Variants in CSMD1 observed in about 807,000 individuals in gnomAD.
CSMD1 encodes the protein CUB and sushi domain-containing protein 1.
In CSMD1, 213 loss-of-function variants were observed where a neutral mutation model predicts 417.5. That is an observed-to-expected ratio of 0.51 (90% CI 0.46 to 0.57). CSMD1 has a LOEUF of 0.57. Among genes scored for constraint, CSMD1 ranks in the 20% least tolerant of loss-of-function variants. The probability of loss-of-function intolerance (pLI) is 0.00; values close to 1 mark genes in which losing one functional copy is unlikely to be tolerated. For missense variants in CSMD1, 6,923 were observed against 4,529.7 expected (o/e 1.53, Z -15.17); for synonymous variants, 2,862 against 1,736.8 (o/e 1.65, Z -16.11).
intron 40 of CSMD1, 188 bp downstream of exon 40, chr8:3,151,209 T>C (rs904152755): frequency 1.2e-5 from 6 of 518,126 alleles, no homozygotes; most frequent in Non-Finnish European, 2.1e-5. Context: ...TTGCATGGCT[T>C]AATTGATTTT....
chr8:4,249,626 A>G (rs1802930141), intron 3 of CSMD1, among the ~76,000 whole-genome samples: 1 of 152,126 alleles, frequency 6.6e-6, no homozygotes, highest in South Asian at 2.1e-4. Flanking sequence ...TTCTCTGCTC[A>G]ACACAGTGTG....
intron 1 of CSMD1, among the ~76,000 whole-genome samples, chr8:4,715,378 G>A (rs941740292): frequency 3.3e-5 from 5 of 152,104 alleles, no homozygotes; most frequent in African/African-American, 7.2e-5. Flanking sequence ...TATTAAAATT[G>A]AATATAATAT....
At chr8:3,672,142 C>G (rs1585052062) in intron 7 of CSMD1, among the ~76,000 whole-genome samples, 1 of 152,288 alleles carries the variant, frequency 6.6e-6, no homozygotes, top group South Asian at 2.1e-4. Flanking sequence ...CTCTTGCAAA[C>G]TTGTTTTCTA....
chr8:4,398,849 T>C (rs555295770), intron 3 of CSMD1, among the ~76,000 whole-genome samples: 9 of 152,340 alleles, frequency 5.9e-5, no homozygotes, highest in South Asian at 2.1e-4. Flanking sequence ...TTATGTCTAA[T>C]TGAAACTTTT....
At chr8:3,489,897 G>C (rs191799159) in intron 11 of CSMD1, among the ~76,000 whole-genome samples, 1 of 152,132 alleles carries the variant, frequency 6.6e-6, no homozygotes, top group South Asian at 2.1e-4. Context: ...GCCATGAAGA[G>C]GTTTTAAACT....
At chr8:2,966,778 A>G (rs778850979) in intron 57 of CSMD1, 32 bp from the exon 58 acceptor site, 40 of 1,604,200 alleles carry the variant, frequency 2.5e-5, no homozygotes, top group Non-Finnish European at 3.2e-5. Flanking sequence ...CACCACACAC[A>G]GTGAGTGACC....
intron 1 of CSMD1, among the ~76,000 whole-genome samples, chr8:4,889,501 G>A (rs879763072): frequency 6.6e-6 from 1 of 151,912 alleles, no homozygotes; most frequent in Non-Finnish European, 1.5e-5. Flanking sequence ...TTATATCCTT[G>A]TGATATGTTT....
chr8:4,353,901 G>A lies in CSMD1; in HGVS notation c.415+66052C>T, dbSNP rs144011590. Among the ~76,000 whole-genome samples the A allele has an allele frequency of 3.3e-5, 5 of 152,266 alleles. No individual in the cohort carries two copies. In the East Asian group the frequency reaches 9.7e-4, roughly 29 times the overall value. Reference sequence around the variant, plus strand: ...AGTGCCAGGGAAAAGAGCATGTTCAGCAAGCTGTTTTTACACAATGTTCAT... The same window carrying A: ...AGTGCCAGGGAAAAGAGCATGTTCAACAAGCTGTTTTTACACAATGTTCAT... On this transcript the variant is annotated intron_variant, in intron 3 of 69. Transcript: ENST00000635120.
At chr8:4,339,392 G>C (rs1800350103) in intron 3 of CSMD1, among the ~76,000 whole-genome samples, 1 of 152,072 alleles carries the variant, frequency 6.6e-6, no homozygotes, top group African/African-American at 2.4e-5. Context: ...GTCATGCCCT[G>C]TGCTAATCTC....
chr8:4,344,717 T>C (rs975059387), intron 3 of CSMD1, among the ~76,000 whole-genome samples: 1 of 152,018 alleles, frequency 6.6e-6, no homozygotes, highest in Non-Finnish European at 1.5e-5. Context: ...GGCATATCCA[T>C]CATTGAGCAA....
intron 2 of CSMD1, among the ~76,000 whole-genome samples, chr8:4,559,960 C>A (rs754166030): frequency 7.2e-5 from 11 of 152,208 alleles, no homozygotes; most frequent in African/African-American, 1.2e-4. Context: ...TGTAATCACA[C>A]GCTGTGGTCA....
chr8:3,606,821 C>T (rs1488216785), intron 8 of CSMD1, among the ~76,000 whole-genome samples: 2 of 151,790 alleles, frequency 1.3e-5, no homozygotes, highest in Admixed American at 1.3e-4. Flanking sequence ...AGTGATTCTC[C>T]TGTCTCAGCC....
chr8:4,484,606 C>T (rs547025955), intron 2 of CSMD1, among the ~76,000 whole-genome samples: 1 of 152,136 alleles, frequency 6.6e-6, no homozygotes, highest in South Asian at 2.1e-4. Context: ...GGAGGGCTGA[C>T]GTGACCTGCT....
At chr8:3,507,281 C>A (rs1482041460) in intron 10 of CSMD1, among the ~76,000 whole-genome samples, 6 of 152,114 alleles carry the variant, frequency 3.9e-5, no homozygotes, top group African/African-American at 1.4e-4. Context: ...TTACTCATCT[C>A]ATTACTAAGA....
chr8:3,662,659 A>G (rs1187192034), intron 7 of CSMD1, among the ~76,000 whole-genome samples: 2 of 152,186 alleles, frequency 1.3e-5, no homozygotes, highest in Admixed American at 6.5e-5. Flanking sequence ...TTATGCAGCC[A>G]TGAAGAACAA....
At chr8:4,880,600 A>T (rs1803328410) in intron 1 of CSMD1, among the ~76,000 whole-genome samples, 1 of 151,980 alleles carries the variant, frequency 6.6e-6, no homozygotes, top group Admixed American at 6.6e-5. Flanking sequence ...CAAAGCCCAC[A>T]TTGCCTCTAT....
intron 6 of CSMD1, among the ~76,000 whole-genome samples, chr8:3,741,905 T>C (rs1307887275): frequency 6.6e-6 from 1 of 152,156 alleles, no homozygotes; most frequent in African/African-American, 2.4e-5. Context: ...AGTCATATTC[T>C]GGCCCAAACC....
chr8:3,161,624 GA>G (rs10644122), intron 38 of CSMD1, among the ~76,000 whole-genome samples: 3,595 of 58,290 alleles, frequency 0.062, 54 homozygotes, highest in African/African-American at 0.13. Context: ...CTCCCTCTCA[GA>G]AAAAAAAAAA....
At chr8:3,486,442 T>C (rs138311844) in intron 11 of CSMD1, among the ~76,000 whole-genome samples, 1 of 152,292 alleles carries the variant, frequency 6.6e-6, no homozygotes, top group East Asian at 1.9e-4. Context: ...AAACAAACAA[T>C]AAAAATCTTT....
Sources: allele counts gnomAD v4.1 joint callset (sites outside exome capture counted in the v4.1 genomes callset), GRCh38; gene constraint gnomAD v4.1.1; transcripts MANE v1.5; gene names NCBI Gene and HGNC (gene_info 2026-07-23, HGNC 2026-07-21).